Variants in NSUN7 observed in about 807,000 individuals in gnomAD.
The protein encoded by NSUN7 is protein NSUN7.
NSUN7 carries 39 observed loss-of-function variants against 58.5 expected under a neutral mutation model. The observed-to-expected ratio is 0.67, with a 90% CI of 0.52 to 0.87. The LOEUF is 0.87. NSUN7 is among the 40% of genes least tolerant of loss of function. NSUN7 has a pLI of 0.00. For missense variants in NSUN7, 765 were observed against 844.1 expected (o/e 0.91, Z 1.16); for synonymous variants, 278 against 303.7 (o/e 0.92, Z 0.88).
In NSUN7 at chr4:40,760,439, G is replaced by C. The variant is rs1741392493; in HGVS notation, c.304G>C (p.Asp102His). ...ELAFSALKYQ[D>H]ILETILIDSC... ...GCCTTTCCCTTGTTTTGCAGATCAAGATATTTTGGAAACTATATTGATAGA... is the reference window on the plus strand; with the variant it reads ...GCCTTTCCCTTGTTTTGCAGATCAACATATTTTGGAAACTATATTGATAGA... Residue 102 changes from aspartate (D) to histidine (H), a missense_variant, in exon 3 of 12, where the codon GAT becomes CAT. Asp to His is a moderately conservative substitution (Grantham distance 81). Coordinates refer to ENST00000381782, the MANE Select transcript of NSUN7 (RefSeq NM_024677.6). 1 of 1,608,896 alleles carries C rather than the reference G, an allele frequency of 6.2e-7. No homozygotes were observed. The highest frequency in any genetic ancestry group is 2.2e-5 in the East Asian group (1 of 44,610).
intron 11 of NSUN7, 93 bp from the exon 12 acceptor site, chr4:40,808,214 G>A: frequency 7.4e-7 from 1 of 1,360,004 alleles, no homozygotes. Context: ...AATAAAGAGA[G>A]TCTTTTTATT....
Position 40,808,766 on chromosome 4 carries a change from A to G in NSUN7, c.1984A>G (p.Ser662Gly), listed in dbSNP as rs1744008568. ...VLPPVFMPFS[S>G]PQGIRSRMPT... is the part of the protein sequence containing the mutation. ...GCCTCCAGTCTTTATGCCATTTTCA[A>G]GTCCCCAAGGGATCAGATCTCGGAT... The change falls in exon 12 of 12, where the codon AGT (serine) becomes GGT (glycine). Residue 662 changes from serine to glycine, a missense_variant. By Grantham distance (56) the Ser-to-Gly change is moderately conservative. Coordinates refer to ENST00000381782, the MANE Select transcript of NSUN7 (RefSeq NM_024677.6). 6.5e-7 allele frequency: 1 copy of G among 1,549,776 alleles called. No individual in the cohort carries two copies.
Position 40,808,615 on chromosome 4 carries a change from C to A in NSUN7, c.1833C>A (p.Pro611=). 1.3e-6 allele frequency: 2 copies of A among 1,551,748 alleles called. No individual in the cohort carries two copies. Among genetic ancestry groups the A allele is most frequent in the South Asian group, 2.4e-5 (2 of 84,036 alleles). The change falls in exon 12 of 12, where the codon CCC becomes CCA. Residue 611 remains proline, a synonymous_variant. Coordinates refer to ENST00000381782, the MANE Select transcript of NSUN7 (RefSeq NM_024677.6). The stretch of plus-strand genomic sequence containing the variant: ...CCAGAAAACCCAACAAGCTGGCCCC[C>A]CATCCTGCAGTGCCTGCATTTGTGA... ...SQTRKPNKLA[P]HPAVPAFVKN...
chr4:40,760,529 A>AT (rs773502815), intron 3 of NSUN7, 37 bp downstream of exon 3: 67 of 1,489,994 alleles, frequency 4.5e-5, no homozygotes, highest in South Asian at 3.0e-4. Context: ...TCGTTTCATG[A>AT]TTTTTTTTAA....
chr4:40,757,655 G>GTA (rs772032013), intron 2 of NSUN7, among the ~76,000 whole-genome samples: 9 of 142,904 alleles, frequency 6.3e-5, no homozygotes, highest in Non-Finnish European at 9.1e-5. Flanking sequence ...TATACATTGT[G>GTA]TATATATATA....
chr4:40,786,817 G>T (rs1742847050), intron 7 of NSUN7: 15 of 1,154,870 alleles, frequency 1.3e-5, no homozygotes, highest in Non-Finnish European at 1.8e-5. Context: ...CTGCCCTCCT[G>T]GATGCTATTA....
rs1742824936 is a variant in NSUN7, at chr4:40,786,401, T to G, written c.1037-4201T>G. 3.1e-6 allele frequency: 5 copies of G among 1,611,910 alleles called. No individual in the cohort carries two copies. In the Admixed American group the frequency reaches 5.0e-5, roughly 16 times the overall value. On this transcript the variant is annotated intron_variant, in intron 7 of 11. Coordinates refer to ENST00000381782, the MANE Select transcript of NSUN7 (RefSeq NM_024677.6). The stretch of plus-strand genomic sequence containing the variant: ...TATACCAGATGCACAGATGGCATTG[T>G]GTTTGTTGTGGACTCTGTTGATGTC...
chr4:40,798,506 C>A (rs1743419154), intron 9 of NSUN7, among the ~76,000 whole-genome samples: 1 of 152,112 alleles, frequency 6.6e-6, no homozygotes. Context: ...TTCATGGTAA[C>A]CTGCAGTATT....
chr4:40,801,170 T>C (rs984483393), intron 10 of NSUN7, among the ~76,000 whole-genome samples: 2 of 152,144 alleles, frequency 1.3e-5, no homozygotes, highest in African/African-American at 4.8e-5. Flanking sequence ...CATTCCTGAG[T>C]TGTCCCTTTG....
In NSUN7 at chr4:40,794,401, C is replaced by A; in HGVS notation, c.1207C>A (p.Gln403Lys). The A allele has an allele frequency of 6.2e-7, 1 of 1,609,314 alleles. No individual in the cohort carries two copies. The highest frequency in any genetic ancestry group is 8.5e-7 in the Non-Finnish European group (1 of 1,176,336). Residue 403 changes from glutamine (Q) to lysine (K), a missense_variant, in exon 9 of 12, where the codon CAA (glutamine) becomes AAA (lysine). Coordinates refer to ENST00000381782, the MANE Select transcript of NSUN7 (RefSeq NM_024677.6). The part of the protein sequence containing the change: ...EDTEFLKDHS[Q>K]GGISVDKLHV... ...TACAGAATTCCTTAAAGATCACTCTCAAGGAGGCATCTCAGTGGACAAACT... is the reference window on the plus strand; with the variant it reads ...TACAGAATTCCTTAAAGATCACTCTAAAGGAGGCATCTCAGTGGACAAACT...
chr4:40,786,311 A>G, intron 7 of NSUN7: 1 of 1,612,720 alleles, frequency 6.2e-7, no homozygotes, highest in Non-Finnish European at 8.5e-7. Context: ...GGAAATTCTA[A>G]AACAGTCACT....
chr4:40,774,481 A>G, intron 5 of NSUN7, 64 bp downstream of exon 5: 1 of 1,507,766 alleles, frequency 6.6e-7, no homozygotes, highest in South Asian at 1.1e-5. Context: ...ATGTGATGAG[A>G]AGCATTACCT....
intron 7 of NSUN7, among the ~76,000 whole-genome samples, chr4:40,781,087 G>A (rs1431035886): frequency 1.3e-5 from 2 of 151,690 alleles, no homozygotes; most frequent in Non-Finnish European, 2.9e-5. Flanking sequence ...ATATATATAT[G>A]ACACAGTCTC....
At chr4:40,752,182 A>G (rs1213049902) in intron 2 of NSUN7, among the ~76,000 whole-genome samples, 1 of 152,246 alleles carries the variant, frequency 6.6e-6, no homozygotes, top group East Asian at 1.9e-4. Context: ...TGATGAGCAG[A>G]AGCCTTCCTA....
chr4:40,754,295 T>A (rs1741015162), intron 2 of NSUN7, among the ~76,000 whole-genome samples: 1 of 151,992 alleles, frequency 6.6e-6, no homozygotes, highest in African/African-American at 2.4e-5. Context: ...TACAGGCACC[T>A]GCCACCATGC....
intron 7 of NSUN7, among the ~76,000 whole-genome samples, chr4:40,778,233 G>A: frequency 6.6e-6 from 1 of 152,138 alleles, no homozygotes; most frequent in East Asian, 1.9e-4. Context: ...CAGATGGAGA[G>A]GAGAAAAGGA....
chr4:40,792,534 G>A (rs1283689446), intron 8 of NSUN7, among the ~76,000 whole-genome samples: 1 of 152,004 alleles, frequency 6.6e-6, no homozygotes, highest in African/African-American at 2.4e-5. Context: ...GGCGGATCAC[G>A]AGGTCAGGAG....
At chr4:40,803,754 G>A (rs1365790073) in intron 10 of NSUN7, among the ~76,000 whole-genome samples, 3 of 152,188 alleles carry the variant, frequency 2.0e-5, no homozygotes, top group African/African-American at 4.8e-5. Flanking sequence ...TAAGAGTTAG[G>A]AGTCCAAATT....
rs1204789646 is a variant in NSUN7, at chr4:40,810,128, ATCT to A, written c.*1195_*1197del. Reference sequence around the variant, plus strand: ...CAGGTGGCATGATTTTTAGAATATTATCTTCTTCAAGATGAATACTTAGGTCTA... The same window carrying A: ...CAGGTGGCATGATTTTTAGAATATTATCTTCAAGATGAATACTTAGGTCTA... On this transcript the variant is annotated 3_prime_UTR_variant, in exon 12 of 12. Transcript: ENST00000381782. 2.0e-5 allele frequency: 3 copies of A among 152,254 alleles called. No homozygotes were observed. The highest frequency in any genetic ancestry group is 1.9e-4 in the East Asian group (1 of 5,206). 9.4% of individuals were successfully genotyped at this position (152,254 alleles called of 1,614,324 possible).
Sources: allele counts gnomAD v4.1 joint callset (sites outside exome capture counted in the v4.1 genomes callset), GRCh38; gene constraint gnomAD v4.1.1; transcripts MANE v1.5; gene names NCBI Gene and HGNC (gene_info 2026-07-23, HGNC 2026-07-21).